The following DTD1 variants were observed in gnomAD, a reference collection of about 807,000 sequenced individuals.
DTD1 encodes D-aminoacyl-tRNA deacylase 1.
In DTD1, 13 loss-of-function variants were observed where a neutral mutation model predicts 25.6. The observed-to-expected ratio is 0.51, with a 90% confidence interval of 0.33 to 0.81. The LOEUF is 0.81. Ranked by LOEUF, DTD1 falls within the 30% of genes least tolerant of loss-of-function variation. DTD1 has a pLI of 0.02. For missense variants in DTD1, 193 were observed against 266.4 expected (o/e 0.72, Z 1.92); for synonymous variants, 110 against 103.6 (o/e 1.06, Z -0.37).
At chr20:18,742,172 A>C (rs1025846496) in intron 4 of DTD1, among the ~76,000 whole-genome samples, 1 of 152,152 alleles carries the variant, frequency 6.6e-6, no homozygotes, top group African/African-American at 2.4e-5. Flanking sequence ...AATACAAATG[A>C]CACTACAGTC....
At chr20:18,732,874 G>T (rs1453213936) in intron 4 of DTD1, among the ~76,000 whole-genome samples, 1 of 152,186 alleles carries the variant, frequency 6.6e-6, no homozygotes, top group Non-Finnish European at 1.5e-5. Context: ...CTGAACATCC[G>T]CCATGGCCTT....
intron 4 of DTD1, chr20:18,643,330 C>T (rs924962508): frequency 1.1e-5 from 3 of 268,186 alleles, no homozygotes; most frequent in Admixed American, 3.7e-5. Flanking sequence ...AGTACGACAC[C>T]GTCTGGCTTC....
chr20:18,597,824 C>G (rs1346761623), intron 3 of DTD1, among the ~76,000 whole-genome samples: 1 of 152,122 alleles, frequency 6.6e-6, no homozygotes, highest in Non-Finnish European at 1.5e-5. Flanking sequence ...TTGGGCTCTT[C>G]TTTCTGAAGT....
At chr20:18,721,164 T>C (rs934560107) in intron 4 of DTD1, among the ~76,000 whole-genome samples, 2 of 152,212 alleles carry the variant, frequency 1.3e-5, no homozygotes, top group East Asian at 1.9e-4. Context: ...TTAGAGACAA[T>C]GCTTCTATTG....
chr20:18,646,236 G>C lies in DTD1; in HGVS notation c.477+18003G>C, dbSNP rs545107850. On this transcript the variant is annotated intron_variant, in intron 4 of 5. Coordinates refer to ENST00000377452, the MANE Select transcript of DTD1 (RefSeq NM_080820.6). ...GCTTTGGTCTGGCATTTGTTCTGTA[G>C]GTGGCTGAAATGCCCATCATGGAAG... Among the ~76,000 whole-genome samples, 45 of 152,298 alleles carry C rather than the reference G, an allele frequency of 3.0e-4. No homozygotes were observed. In the South Asian group the frequency reaches 7.0e-3, roughly 24 times the overall value.
chr20:18,705,153 C>G (rs2061121218), intron 4 of DTD1, among the ~76,000 whole-genome samples: 1 of 152,082 alleles, frequency 6.6e-6, no homozygotes, highest in South Asian at 2.1e-4. Flanking sequence ...CAGAGCTGGT[C>G]TAGACAGTAT....
At chr20:18,690,660 C>T (rs1600371255) in intron 4 of DTD1, among the ~76,000 whole-genome samples, 1 of 152,098 alleles carries the variant, frequency 6.6e-6, no homozygotes, top group Admixed American at 6.5e-5. Context: ...TGTAGGTGTG[C>T]AGCCTTATTT....
chr20:18,595,983 C>G (rs753102102), intron 2 of DTD1, 23 bp from the exon 3 acceptor site: 3 of 1,607,302 alleles, frequency 1.9e-6, no homozygotes, highest in Non-Finnish European at 1.7e-6. Context: ...TCAGGTAGCT[C>G]TCACTGCTCT....
intron 3 of DTD1, among the ~76,000 whole-genome samples, chr20:18,618,718 A>AAT (rs1600322667): frequency 2.1e-5 from 2 of 95,018 alleles, no homozygotes; most frequent in African/African-American, 8.4e-5. Flanking sequence ...CACACATATA[A>AAT]TTTTTTTTTT....
intron 5 of DTD1, among the ~76,000 whole-genome samples, chr20:18,747,584 A>G (rs2061305261): frequency 6.6e-6 from 1 of 152,192 alleles, no homozygotes; most frequent in Non-Finnish European, 1.5e-5. Flanking sequence ...TGGACACTCC[A>G]GTTTCCACTC....
intron 4 of DTD1, among the ~76,000 whole-genome samples, chr20:18,722,968 C>T (rs1280908277): frequency 6.6e-6 from 1 of 152,172 alleles, no homozygotes; most frequent in Non-Finnish European, 1.5e-5. Flanking sequence ...AGTCAAAACA[C>T]ATAGAAACAA....
At chr20:18,734,967 C>T (rs1359461485) in intron 4 of DTD1, among the ~76,000 whole-genome samples, 2 of 152,194 alleles carry the variant, frequency 1.3e-5, no homozygotes, top group East Asian at 1.9e-4. Flanking sequence ...TGGTTCCAGC[C>T]GTTCCCCCTG....
At chr20:18,665,129 T>C (rs573683640) in intron 4 of DTD1, among the ~76,000 whole-genome samples, 2 of 152,344 alleles carry the variant, frequency 1.3e-5, no homozygotes, top group African/African-American at 2.4e-5. Flanking sequence ...GAACGGGCAT[T>C]ATGGGAGGAG....
chr20:18,739,806 T>C (rs1266830287), intron 4 of DTD1, among the ~76,000 whole-genome samples: 1 of 152,222 alleles, frequency 6.6e-6, no homozygotes, highest in African/African-American at 2.4e-5. Flanking sequence ...TTTGGCTGCA[T>C]TGGATTCCAA....
chr20:18,713,221 C>T (rs1250158439), intron 4 of DTD1, among the ~76,000 whole-genome samples: 1 of 152,240 alleles, frequency 6.6e-6, no homozygotes, highest in African/African-American at 2.4e-5. Context: ...TAGTGTGTGT[C>T]CTCCTGGCAT....
chr20:18,705,949 A>G (rs569759522), intron 4 of DTD1, among the ~76,000 whole-genome samples: 1 of 152,334 alleles, frequency 6.6e-6, no homozygotes, highest in Admixed American at 6.5e-5. Flanking sequence ...TATTGGAGCC[A>G]TGACTGATCA....
At chr20:18,629,665 A>T (rs937147332) in intron 4 of DTD1, among the ~76,000 whole-genome samples, 1 of 151,754 alleles carries the variant, frequency 6.6e-6, no homozygotes, top group Non-Finnish European at 1.5e-5. Flanking sequence ...GTTTATTCTC[A>T]TACTGCTATA....
intron 4 of DTD1, among the ~76,000 whole-genome samples, chr20:18,662,091 A>G (rs1038617020): frequency 9.2e-5 from 14 of 152,178 alleles, no homozygotes; most frequent in Non-Finnish European, 1.5e-4. Flanking sequence ...GTTCAAGGCT[A>G]CAGTGAGCTA....
chr20:18,621,250 G>C (rs781036963), intron 3 of DTD1, among the ~76,000 whole-genome samples: 2 of 152,094 alleles, frequency 1.3e-5, no homozygotes, highest in Non-Finnish European at 2.9e-5. Flanking sequence ...CCCTCATTTT[G>C]TGTCCGCCTG....
Sources: allele counts gnomAD v4.1 joint callset (sites outside exome capture counted in the v4.1 genomes callset), GRCh38; gene constraint gnomAD v4.1.1; transcripts MANE v1.5; gene names NCBI Gene and HGNC (gene_info 2026-07-23, HGNC 2026-07-21).